Variants in ROCK2 observed in about 807,000 individuals in gnomAD.
ROCK2 encodes rho-associated protein kinase 2.
In ROCK2, 61 loss-of-function variants were observed where a neutral mutation model predicts 195.1. That is an observed-to-expected ratio of 0.31 (90% CI 0.25 to 0.39). The LOEUF (loss-of-function observed/expected upper bound fraction) is 0.39, where lower values mean the gene tolerates loss of function less well. Ranked by LOEUF, ROCK2 falls within the 10% of genes least tolerant of loss-of-function variation. The probability of loss-of-function intolerance (pLI) is 1.00; values close to 1 mark genes in which losing one functional copy is unlikely to be tolerated. For synonymous variants in ROCK2, 504 were observed against 545.5 expected (o/e 0.92, Z 1.06); for missense variants, 1,109 against 1,637.4 (o/e 0.68, Z 5.57).
intron 32 of ROCK2, among the ~76,000 whole-genome samples, chr2:11,189,487 T>C (rs975899303): frequency 6.6e-6 from 1 of 152,208 alleles, no homozygotes; most frequent in Non-Finnish European, 1.5e-5. Flanking sequence ...CTTCTTCTAA[T>C]ACATCTTCCA....
chr2:11,180,558 C>A lies in ROCK2; in HGVS notation c.*2879G>T, dbSNP rs1211024942. ...ATTAATTTCAACAGTAATACCGGCA[C>A]CAGTTTTCCTTTCACTTCTGTCTCG... On this transcript the variant is annotated 3_prime_UTR_variant, in exon 33 of 33. Transcript: ENST00000315872. 1 of 152,076 alleles carries A rather than the reference C, an allele frequency of 6.6e-6. No homozygotes were observed. Among genetic ancestry groups the A allele is most frequent in the African/African-American group, 2.4e-5 (1 of 41,384 alleles). The allele number at this position is 152,076 out of a possible 1,614,324, so 9.4% of individuals were successfully genotyped here.
intron 1 of ROCK2, among the ~76,000 whole-genome samples, chr2:11,289,960 A>G (rs1470284989): frequency 1.3e-5 from 2 of 152,216 alleles, no homozygotes; most frequent in Non-Finnish European, 2.9e-5. Context: ...AGGCACTATT[A>G]TTTTTACGTA....
intron 1 of ROCK2, among the ~76,000 whole-genome samples, chr2:11,309,452 T>C (rs1295630866): frequency 1.3e-5 from 2 of 152,218 alleles, no homozygotes; most frequent in Non-Finnish European, 2.9e-5. Context: ...ATTGAGCTTA[T>C]ACACGACTCC....
chr2:11,192,887 AAGAAAAGTCATC>A lies in ROCK2; in HGVS notation c.3688-187_3688-176del, dbSNP rs1422530226. On this transcript the variant is annotated intron_variant, in intron 30 of 32. Coordinates refer to ENST00000315872, the MANE Select transcript of ROCK2 (RefSeq NM_004850.5). The surrounding 1 kb of genome is among the most constrained non-coding windows in gnomAD (Gnocchi z 5.0). Reference sequence around the variant, plus strand: ...CGCAAACTTAATCAAGAGCTTATATAAGAAAAGTCATCAGACAGTCACTTTGGTTTGCATTTC... The same window carrying A: ...CGCAAACTTAATCAAGAGCTTATATAAGACAGTCACTTTGGTTTGCATTTC... Among the ~76,000 whole-genome samples the A allele has an allele frequency of 5.3e-5, 8 of 152,246 alleles. No individual in the cohort carries two copies. Among genetic ancestry groups the A allele is most frequent in the Non-Finnish European group, 8.8e-5 (6 of 68,050 alleles).
chr2:11,216,566 A>C (rs564766400), intron 12 of ROCK2, among the ~76,000 whole-genome samples: 1 of 148,298 alleles, frequency 6.7e-6, no homozygotes, highest in South Asian at 2.1e-4. Flanking sequence ...GCTGGAGTGC[A>C]GTGGCGCAAT....
chr2:11,246,190 A>G (rs1665609030), intron 4 of ROCK2, among the ~76,000 whole-genome samples: 1 of 152,190 alleles, frequency 6.6e-6, no homozygotes, highest in Non-Finnish European at 1.5e-5. Flanking sequence ...GTCCCCTTCC[A>G]AAGTGGAACC....
Position 11,195,576 on chromosome 2 carries a change from G to A in ROCK2, c.3449-551C>T, listed in dbSNP as rs554181110. 2.8e-4 allele frequency among the ~76,000 whole-genome samples: 42 copies of A among 152,212 alleles called. No individual in the cohort carries two copies. In the South Asian group the frequency reaches 5.6e-3, roughly 20 times the overall value. On this transcript the variant is annotated intron_variant, in intron 27 of 32. Coordinates refer to ENST00000315872, the MANE Select transcript of ROCK2 (RefSeq NM_004850.5). ...GTCGCCCAGGCTGGAATGTAGTGGC[G>A]TAATCTTGGCTCACTGCAGGCTGTG...
Position 11,344,467 on chromosome 2 carries a change from C to T in ROCK2, c.-331G>A, listed in dbSNP as rs1669222452. On this transcript the variant is annotated 5_prime_UTR_variant, in exon 1 of 33. Transcript: ENST00000315872. This position sits in a 1 kb window ranked among gnomAD's most constrained non-coding sequence, Gnocchi z 5.4. ...TCCTCGGGCGGGAGCAGGGAAGTGG[C>T]GCCGCCACCGCCGCGGCCCGGACCG... 12 of 1,003,972 alleles carry T rather than the reference C, an allele frequency of 1.2e-5. No individual in the cohort carries two copies. The highest frequency in any genetic ancestry group is 1.4e-5 in the Non-Finnish European group (12 of 842,740). The allele number at this position is 1,003,972 out of a possible 1,614,324, so 62.2% of individuals were successfully genotyped here. A position where few individuals can be genotyped will look rare whatever the true frequency, so the allele number is the denominator to read the frequency against.
At chr2:11,275,273 A>C (rs1666785451) in intron 3 of ROCK2, among the ~76,000 whole-genome samples, 1 of 147,394 alleles carries the variant, frequency 6.8e-6, no homozygotes, top group African/African-American at 2.5e-5. Flanking sequence ...AAAAAAAAAA[A>C]GAATTATAAG....
chr2:11,298,898 G>C (rs1338307566), intron 1 of ROCK2, among the ~76,000 whole-genome samples: 2 of 152,060 alleles, frequency 1.3e-5, no homozygotes, highest in Non-Finnish European at 2.9e-5. Context: ...GTCAGAATTT[G>C]ATATATCACT....
intron 17 of ROCK2, 76 bp from the exon 18 acceptor site, chr2:11,211,916 T>TA (rs1287401802): frequency 5.6e-6 from 7 of 1,253,138 alleles, no homozygotes; most frequent in Admixed American, 2.8e-5. Flanking sequence ...TAATTTTTTT[T>TA]TTTTTTTGAG....
chr2:11,238,715 G>A (rs1389853080), intron 4 of ROCK2, among the ~76,000 whole-genome samples: 5 of 151,996 alleles, frequency 3.3e-5, no homozygotes, highest in Admixed American at 6.6e-5. Context: ...AGGAATGGTC[G>A]CACACCTGTA....
chr2:11,249,803 T>G lies in ROCK2; in HGVS notation c.325-5A>C. On this transcript the variant is annotated splice_region_variant and splice_polypyrimidine_tract_variant and intron_variant, in intron 3 of 32. Coordinates refer to ENST00000315872, the MANE Select transcript of ROCK2 (RefSeq NM_004850.5). ...CTGCGATGCCTTGTGACGAACCTGTTGATTTTTGAAAACACAAAAATTAAT... is the reference window on the plus strand; with the variant it reads ...CTGCGATGCCTTGTGACGAACCTGTGGATTTTTGAAAACACAAAAATTAAT... The G allele has an allele frequency of 6.7e-7, 1 of 1,499,796 alleles. No individual in the cohort carries two copies. The highest frequency in any genetic ancestry group is 1.5e-5 in the South Asian group (1 of 66,198). 92.9% of individuals were successfully genotyped at this position (1,499,796 alleles called of 1,614,324 possible). A position where few individuals can be genotyped will look rare whatever the true frequency, so the allele number is the denominator to read the frequency against.
intron 3 of ROCK2, among the ~76,000 whole-genome samples, chr2:11,268,483 T>C (rs1308004907): frequency 1.2e-5 from 1 of 85,642 alleles, no homozygotes; most frequent in Non-Finnish European, 2.8e-5. Context: ...TGTGTGTTTT[T>C]TTCCTTGTGT....
chr2:11,239,641 G>A (rs949270291), intron 4 of ROCK2, among the ~76,000 whole-genome samples: 4 of 152,120 alleles, frequency 2.6e-5, no homozygotes, highest in East Asian at 1.9e-4. Context: ...TCCATTAACC[G>A]GTAAATGAGC....
intron 1 of ROCK2, among the ~76,000 whole-genome samples, chr2:11,339,255 G>A (rs1024085923): frequency 6.6e-6 from 1 of 152,096 alleles, no homozygotes; most frequent in Non-Finnish European, 1.5e-5. Flanking sequence ...ATGGATAAAG[G>A]AATGGACAGA....
chr2:11,267,458 G>A (rs1252732160), intron 3 of ROCK2, among the ~76,000 whole-genome samples: 3 of 149,702 alleles, frequency 2.0e-5, no homozygotes, highest in African/African-American at 7.4e-5. Context: ...CCACTCTCCC[G>A]ACCACAGTAC....
intron 19 of ROCK2, 101 bp downstream of exon 19, chr2:11,208,186 A>G (rs777056072): frequency 6.8e-6 from 5 of 730,492 alleles, no homozygotes; most frequent in African/African-American, 3.7e-5. Context: ...GCAGACTATT[A>G]TAAGAAAAAC....
intron 1 of ROCK2, among the ~76,000 whole-genome samples, chr2:11,322,451 A>G (rs893543995): frequency 7.3e-5 from 11 of 151,656 alleles, no homozygotes; most frequent in Non-Finnish European, 1.6e-4. Context: ...ACTAATCATC[A>G]TGACTGTTGC....
Sources: allele counts gnomAD v4.1 joint callset (sites outside exome capture counted in the v4.1 genomes callset), GRCh38; gene constraint gnomAD v4.1.1; non-coding constraint Gnocchi (gnomAD v3.1); transcripts MANE v1.5; gene names NCBI Gene and HGNC (gene_info 2026-07-23, HGNC 2026-07-21).